NBEA: variants seen among roughly 807,000 people sequenced by gnomAD.
NBEA encodes neurobeachin, also known as lysosomal-trafficking regulator 2.
Under a neutral mutation model 343.4 loss-of-function variants are expected in NBEA, and 44 were observed. That is an observed-to-expected ratio of 0.13 (90% CI 0.10 to 0.16). The LOEUF is 0.16. Among genes scored for constraint, NBEA ranks in the 10% least tolerant of loss-of-function variants. The pLI is 1.00. For missense variants in NBEA, 2,555 were observed against 3,631.3 expected (o/e 0.70, Z 7.62); for synonymous variants, 1,175 against 1,238.7 (o/e 0.95, Z 1.08).
intron 6 of NBEA, among the ~76,000 whole-genome samples, chr13:35,053,148 C>G (rs1028436648): frequency 7.2e-5 from 11 of 152,148 alleles, no homozygotes; most frequent in Non-Finnish European, 1.5e-4. Context: ...CTCCACATTG[C>G]TGCCAGTTAT....
At chr13:35,262,259 A>G (rs1422162931) in intron 34 of NBEA, among the ~76,000 whole-genome samples, 1 of 152,220 alleles carries the variant, frequency 6.6e-6, no homozygotes, top group Non-Finnish European at 1.5e-5. Flanking sequence ...CATAGAGGAA[A>G]ATAGTTTGGA....
At chr13:34,996,442 G>C (rs1283235012) in intron 1 of NBEA, among the ~76,000 whole-genome samples, 1 of 151,072 alleles carries the variant, frequency 6.6e-6, no homozygotes, top group Non-Finnish European at 1.5e-5. Flanking sequence ...AGTCAGAGGA[G>C]TTGGGCTTTT....
At chr13:35,140,823 C>T (rs1346263722) in intron 17 of NBEA, among the ~76,000 whole-genome samples, 1 of 152,074 alleles carries the variant, frequency 6.6e-6, no homozygotes, top group Admixed American at 6.5e-5. Context: ...AGTCACTTAC[C>T]AGGCTAGTAG....
chr13:35,228,577 T>C (rs2074796538), intron 33 of NBEA, among the ~76,000 whole-genome samples: 1 of 152,078 alleles, frequency 6.6e-6, no homozygotes. Context: ...GTGTCTATCA[T>C]TCCATATTCT....
rs74844279 is a variant in NBEA at position 35,471,307 on chromosome 13, G to A, written c.6449-1093G>A. 7.6e-3 allele frequency among the ~76,000 whole-genome samples: 1,156 copies of A among 152,230 alleles called. 19 individuals carry two copies. The highest frequency in any genetic ancestry group is 0.026 in the African/African-American group (1,088 of 41,550). ...GGGGCCGAGGGCGGTGTCGGCGCGAGGGCTCTCCGCCCGGAGGGCCGAGGC... is the reference window on the plus strand; with the variant it reads ...GGGGCCGAGGGCGGTGTCGGCGCGAAGGCTCTCCGCCCGGAGGGCCGAGGC... On this transcript the variant is annotated intron_variant, in intron 40 of 58. Transcript: ENST00000379939.
intron 48 of NBEA, among the ~76,000 whole-genome samples, chr13:35,622,902 AC>A (rs1489098041): frequency 6.6e-6 from 1 of 152,112 alleles, no homozygotes; most frequent in Non-Finnish European, 1.5e-5. Context: ...GAGAAGCTTT[AC>A]CCCAAACCTG....
intron 1 of NBEA, among the ~76,000 whole-genome samples, chr13:35,035,385 A>T (rs1305741147): frequency 6.6e-6 from 1 of 151,768 alleles, no homozygotes; most frequent in East Asian, 1.9e-4. Flanking sequence ...GCTTTATATT[A>T]TTTCATTTTT....
chr13:35,159,350 A>G lies in NBEA; in HGVS notation c.3179A>G (p.Lys1060Arg). The G allele has an allele frequency of 6.2e-7, 1 of 1,613,534 alleles. No homozygotes were observed. Among genetic ancestry groups the G allele is most frequent in the African/African-American group, 1.3e-5 (1 of 75,034 alleles). The change falls in exon 22 of 59, where the codon AAA (lysine) becomes AGA (arginine). Residue 1060 changes from lysine to arginine, a missense_variant. Physicochemically the swap from Lys to Arg is conservative, Grantham distance 26. Transcript: ENST00000379939. ...VEVHDLLVDIKAEKVEATEVK... is the reference protein window; with the variant it reads ...VEVHDLLVDIRAEKVEATEVK... ...GTACATGATCTTTTAGTAGATATAA[A>G]AGCAGAGAAAGTGGAAGCAACAGAA... is the stretch of plus-strand genomic sequence containing the variant.
At position 35,651,184 on chromosome 13, in the gene NBEA, A is replaced by G. The variant is rs969808793; in HGVS notation, c.7964-621A>G. On this transcript the variant is annotated intron_variant, in intron 52 of 58. Coordinates refer to ENST00000379939, the MANE Select transcript of NBEA (RefSeq NM_001385012.1). ...ATTGTATAATCACGTGTGAAAAACT[A>G]TGACTAATGAACTTCATCAAGCTCT... Among the ~76,000 whole-genome samples the G allele has an allele frequency of 2.0e-5, 3 of 152,380 alleles. 1 individual carries two copies. The highest frequency in any genetic ancestry group is 4.1e-4 in the South Asian group (2 of 4,832).
intron 41 of NBEA, among the ~76,000 whole-genome samples, chr13:35,507,309 CT>C (rs960752649): frequency 1.7e-4 from 26 of 151,162 alleles, no homozygotes; most frequent in African/African-American, 6.1e-4. Flanking sequence ...GTTCTTGGAC[CT>C]TTTTTTTTCT....
chr13:35,052,111 T>C lies in NBEA; in HGVS notation c.972+1716T>C, dbSNP rs1397200260. Among the ~76,000 whole-genome samples, 3 of 152,168 alleles carry C rather than the reference T, an allele frequency of 2.0e-5. No individual in the cohort carries two copies. The South Asian group carries it at 6.2e-4, about 32-fold the overall frequency. The stretch of plus-strand genomic sequence containing the variant: ...AGTGATGTGGATTTTAAAAAGTCTT[T>C]TGTGAAGATTCTCACAAACCTTGAA... On this transcript the variant is annotated intron_variant, in intron 6 of 58. Transcript: ENST00000379939.
chr13:35,546,145 T>C (rs571382234), intron 41 of NBEA, among the ~76,000 whole-genome samples: 1 of 152,320 alleles, frequency 6.6e-6, no homozygotes, highest in South Asian at 2.1e-4. Flanking sequence ...ATTCTCCTAT[T>C]TGATGTCACA....
chr13:35,044,620 G>GTA, intron 2 of NBEA, among the ~76,000 whole-genome samples: 1 of 151,396 alleles, frequency 6.6e-6, no homozygotes, highest in East Asian at 2.0e-4. Context: ...GTGTGTGTGT[G>GTA]TGTGTGTGTG....
chr13:35,314,823 T>C (rs2037613293), intron 36 of NBEA, among the ~76,000 whole-genome samples: 1 of 152,194 alleles, frequency 6.6e-6, no homozygotes, highest in African/African-American at 2.4e-5. Flanking sequence ...ATATAATATG[T>C]ATTCAGAATT....
intron 1 of NBEA, among the ~76,000 whole-genome samples, chr13:35,029,172 T>G (rs2062115563): frequency 6.7e-6 from 1 of 150,226 alleles, no homozygotes; most frequent in South Asian, 2.1e-4. Flanking sequence ...TCTATAACAT[T>G]ATGTGTTATA....
intron 14 of NBEA, among the ~76,000 whole-genome samples, chr13:35,117,997 G>C (rs989092432): frequency 3.9e-5 from 6 of 151,900 alleles, no homozygotes; most frequent in Non-Finnish European, 8.8e-5. Context: ...ACTTTTTATA[G>C]TGAATGTCAA....
At chr13:35,625,728 G>A (rs1449070275) in intron 48 of NBEA, among the ~76,000 whole-genome samples, 1 of 151,950 alleles carries the variant, frequency 6.6e-6, no homozygotes, top group Admixed American at 6.6e-5. Flanking sequence ...TTACAGAAGA[G>A]GAAACCCAAA....
intron 41 of NBEA, among the ~76,000 whole-genome samples, chr13:35,515,932 C>T (rs2077470572): frequency 6.6e-6 from 1 of 152,166 alleles, no homozygotes; most frequent in African/African-American, 2.4e-5. Flanking sequence ...GCAATTATAA[C>T]ATAGCAACCA....
At chr13:35,120,616 C>T (rs1453040320) in intron 16 of NBEA, among the ~76,000 whole-genome samples, 1 of 152,114 alleles carries the variant, frequency 6.6e-6, no homozygotes, top group South Asian at 2.1e-4. Context: ...TTCAGTATAA[C>T]AGTTGAACAA....
Sources: gnomAD v4.1 joint callset for allele counts (sites outside exome capture counted in the v4.1 genomes callset) on GRCh38, gnomAD v4.1.1 for gene constraint, MANE v1.5 for transcripts, NCBI Gene and HGNC (gene_info 2026-07-23, HGNC 2026-07-21) for gene names.